EML6: variants seen among roughly 807,000 people sequenced by gnomAD.
EML6 encodes echinoderm microtubule-associated protein-like 6.
In EML6, 154 loss-of-function variants were observed where a neutral mutation model predicts 240.1. The ratio of observed to expected loss-of-function variants is 0.64; its 90% CI spans 0.56 to 0.73. The LOEUF (loss-of-function observed/expected upper bound fraction) is 0.73. Among genes scored for constraint, EML6 ranks in the 30% least tolerant of loss-of-function variants. The pLI is 0.00. For missense variants in EML6, 2,964 were observed against 2,474.6 expected (o/e 1.20, Z -4.20); for synonymous variants, 1,148 against 899.0 (o/e 1.28, Z -4.95).
At chr2:54,773,779 T>C (rs1668491275) in intron 2 of EML6, among the ~76,000 whole-genome samples, 1 of 152,258 alleles carries the variant, frequency 6.6e-6, no homozygotes, top group South Asian at 2.1e-4. Context: ...CTGTTTCTTC[T>C]GTGCTCAGGA....
intron 17 of EML6, among the ~76,000 whole-genome samples, chr2:54,885,960 T>C (rs186372820): frequency 1.3e-5 from 2 of 152,106 alleles, no homozygotes; most frequent in Non-Finnish European, 2.9e-5. Flanking sequence ...ATCTCTTCCT[T>C]GCCTCTCATC....
intron 5 of EML6, among the ~76,000 whole-genome samples, chr2:54,821,978 C>G (rs763198453): frequency 2.2e-4 from 33 of 152,008 alleles, no homozygotes; most frequent in Middle Eastern, 3.2e-3. Context: ...TTAAAATATT[C>G]TGTATAATTC....
intron 2 of EML6, among the ~76,000 whole-genome samples, chr2:54,748,846 C>T (rs560234161): frequency 3.3e-4 from 50 of 152,222 alleles, no homozygotes; most frequent in African/African-American, 8.9e-4. Flanking sequence ...TACAGGTCTG[C>T]GCCACTGTCC....
At chr2:54,766,428 A>G (rs1314244299) in intron 2 of EML6, among the ~76,000 whole-genome samples, 2 of 152,146 alleles carry the variant, frequency 1.3e-5, no homozygotes, top group African/African-American at 4.8e-5. Context: ...AATGACCGTC[A>G]GTTTGGGTTT....
intron 2 of EML6, among the ~76,000 whole-genome samples, chr2:54,755,595 A>G (rs1572860807): frequency 6.6e-6 from 1 of 152,090 alleles, no homozygotes; most frequent in East Asian, 1.9e-4. Context: ...ATGGGTTTTG[A>G]TGCTATTGCA....
At chr2:54,883,039 T>C (rs1383038262) in intron 17 of EML6, among the ~76,000 whole-genome samples, 1 of 145,074 alleles carries the variant, frequency 6.9e-6, no homozygotes, top group African/African-American at 2.4e-5. Flanking sequence ...GCCCCTTTTC[T>C]TTTTCACTTT....
intron 2 of EML6, among the ~76,000 whole-genome samples, chr2:54,737,304 T>A (rs2103627575): frequency 6.6e-6 from 1 of 152,186 alleles, no homozygotes; most frequent in African/African-American, 2.4e-5. Context: ...TTTCTTTTTG[T>A]TTTTGTTTTT....
At chr2:54,904,260 C>T (rs1673203239) in intron 24 of EML6, among the ~76,000 whole-genome samples, 1 of 152,274 alleles carries the variant, frequency 6.6e-6, no homozygotes, top group South Asian at 2.1e-4. Flanking sequence ...TGGGCCACGG[C>T]AGCATTCAGT....
chr2:54,824,886 A>T (rs1668512993), intron 5 of EML6, among the ~76,000 whole-genome samples: 1 of 152,212 alleles, frequency 6.6e-6, no homozygotes, highest in African/African-American at 2.4e-5. Context: ...ATGTGAATTT[A>T]ATGATGTGTT....
intron 7 of EML6, among the ~76,000 whole-genome samples, chr2:54,841,893 A>ATT (rs112826546): frequency 6.7e-6 from 1 of 148,708 alleles, no homozygotes; most frequent in Non-Finnish European, 1.5e-5. Context: ...GTGCCTTGCC[A>ATT]TTTTTTTTTT....
intron 2 of EML6, among the ~76,000 whole-genome samples, chr2:54,734,642 G>A (rs1683315183): frequency 6.6e-6 from 1 of 152,176 alleles, no homozygotes. Flanking sequence ...TGGCACAGTG[G>A]CCAAGGTAGT....
At chr2:54,923,566 A>G (rs939346179) in intron 26 of EML6, among the ~76,000 whole-genome samples, 1 of 152,200 alleles carries the variant, frequency 6.6e-6, no homozygotes, top group Non-Finnish European at 1.5e-5. Context: ...TTAGACATCA[A>G]GATACTTACC....
In EML6 at chr2:54,970,059, C is replaced by G; in HGVS notation, c.5853-12C>G. On this transcript the variant is annotated splice_polypyrimidine_tract_variant and intron_variant, in intron 41 of 41. Transcript: ENST00000356458. The stretch of plus-strand genomic sequence containing the variant: ...CAGCTATGCAAAATGACTGTTTGAT[C>G]TGCCTTTTCAGTGTATTTGTGTGGC... 1 of 1,551,684 alleles carries G rather than the reference C, an allele frequency of 6.4e-7. No homozygotes were observed. The highest frequency in any genetic ancestry group is 8.7e-7 in the Non-Finnish European group (1 of 1,146,930).
At chr2:54,957,681 A>G (rs1296575135) in intron 32 of EML6, 109 bp from the exon 33 acceptor site, 3 of 931,198 alleles carry the variant, frequency 3.2e-6, no homozygotes, top group African/African-American at 3.3e-5. Flanking sequence ...GTAAAGAAGA[A>G]CTGAGGCATG....
intron 13 of EML6, among the ~76,000 whole-genome samples, chr2:54,864,264 C>G (rs771224914): frequency 8.5e-5 from 13 of 152,178 alleles, no homozygotes; most frequent in African/African-American, 3.1e-4. Context: ...GATGGATACC[C>G]TTGAGGCATG....
intron 2 of EML6, among the ~76,000 whole-genome samples, chr2:54,807,420 C>A (rs112963130): frequency 6.6e-6 from 1 of 152,156 alleles, no homozygotes; most frequent in Admixed American, 6.6e-5. Flanking sequence ...CAGAGTGACA[C>A]GCTTTTATGT....
chr2:54,858,647 C>T (rs1486869351), intron 11 of EML6, among the ~76,000 whole-genome samples: 1 of 152,164 alleles, frequency 6.6e-6, no homozygotes, highest in East Asian at 1.9e-4. Flanking sequence ...TTTCTCAGAG[C>T]CCCTGATATA....
Position 54,919,058 on chromosome 2 carries a change from T to C in EML6, c.3675+2123T>C, listed in dbSNP as rs1244722938. On this transcript the variant is annotated intron_variant, in intron 26 of 41. Coordinates refer to ENST00000356458, the MANE Select transcript of EML6 (RefSeq NM_001039753.4). ...GCCACCTCTCCTGATTCCTAAACTT[T>C]TCAGCTATTACTGTATTATTTCTGT... 2.6e-5 allele frequency among the ~76,000 whole-genome samples: 4 copies of C among 152,246 alleles called. No homozygotes were observed. In the East Asian group the frequency reaches 7.7e-4, roughly 29 times the overall value.
intron 2 of EML6, among the ~76,000 whole-genome samples, chr2:54,809,753 CTT>C (rs1217401959): frequency 6.6e-6 from 1 of 152,180 alleles, no homozygotes; most frequent in African/African-American, 2.4e-5. Context: ...CTTCTATTCT[CTT>C]GCAAATCTAG....
Sources: gnomAD v4.1 joint callset for allele counts (sites outside exome capture counted in the v4.1 genomes callset) on GRCh38, gnomAD v4.1.1 for gene constraint, MANE v1.5 for transcripts, NCBI Gene and HGNC (gene_info 2026-07-23, HGNC 2026-07-21) for gene names.